Variants in NKAIN3 observed in about 807,000 individuals in gnomAD.
The protein encoded by NKAIN3 is sodium/potassium transporting ATPase interacting 3, also known as sodium/potassium-transporting ATPase subunit beta-1-interacting protein 3.
Under a neutral mutation model 30.2 loss-of-function variants are expected in NKAIN3, and 25 were observed. The observed-to-expected ratio is 0.83, with a 90% CI of 0.60 to 1.16. The LOEUF (loss-of-function observed/expected upper bound fraction) is 1.16, where lower values mean the gene tolerates loss of function less well. Among genes scored for constraint, NKAIN3 ranks in the 50% most tolerant of loss-of-function variants. The pLI is 0.00. For missense variants in NKAIN3, 225 were observed against 254.1 expected (o/e 0.89, Z 0.78); for synonymous variants, 91 against 89.6 (o/e 1.02, Z -0.09).
chr8:62,653,946 TC>T (rs1812696613), intron 3 of NKAIN3, among the ~76,000 whole-genome samples: 1 of 152,146 alleles, frequency 6.6e-6, no homozygotes, highest in Non-Finnish European at 1.5e-5. Flanking sequence ...ATGGTTTTAA[TC>T]CCTCATCTTT....
chr8:62,792,025 A>G (rs1817714789), intron 4 of NKAIN3, among the ~76,000 whole-genome samples: 1 of 152,142 alleles, frequency 6.6e-6, no homozygotes, highest in Non-Finnish European at 1.5e-5. Context: ...AGTTCCAGGT[A>G]TCACTACCTC....
intron 1 of NKAIN3, among the ~76,000 whole-genome samples, chr8:62,476,441 G>GTT (rs757302948): frequency 2.1e-5 from 3 of 145,882 alleles, no homozygotes; most frequent in African/African-American, 5.0e-5. Context: ...ATTTTTTGTA[G>GTT]TTTTTTTTTT....
intron 4 of NKAIN3, among the ~76,000 whole-genome samples, chr8:62,849,549 T>C (rs1177848646): frequency 6.6e-6 from 1 of 151,686 alleles, no homozygotes; most frequent in Non-Finnish European, 1.5e-5. Flanking sequence ...GCTGCACCCA[T>C]TAACTCATCA....
intron 4 of NKAIN3, among the ~76,000 whole-genome samples, chr8:62,791,366 G>A (rs1817696785): frequency 1.3e-5 from 2 of 152,072 alleles, no homozygotes; most frequent in South Asian, 4.1e-4. Flanking sequence ...AACTATGTGG[G>A]TATTTTTGCA....
intron 4 of NKAIN3, among the ~76,000 whole-genome samples, chr8:62,817,042 T>C (rs1245864420): frequency 1.3e-5 from 2 of 152,162 alleles, no homozygotes; most frequent in East Asian, 1.9e-4. Context: ...CTCCAAGCCA[T>C]TCTCCCAGCC....
At chr8:62,312,468 A>ATCTCTTTT (rs1814474293) in intron 1 of NKAIN3, among the ~76,000 whole-genome samples, 2 of 150,486 alleles carry the variant, frequency 1.3e-5, no homozygotes, top group African/African-American at 5.0e-5. Context: ...CTTTGGGAAA[A>ATCTCTTTT]GAGAGACAGG....
chr8:62,250,769 C>G (rs562462155), intron 1 of NKAIN3, among the ~76,000 whole-genome samples: 1 of 152,290 alleles, frequency 6.6e-6, no homozygotes, highest in Admixed American at 6.5e-5. Context: ...CTTCTTTCCA[C>G]TTTCTTAGTT....
chr8:62,743,733 T>C (rs1442367197), intron 3 of NKAIN3, among the ~76,000 whole-genome samples: 2 of 152,138 alleles, frequency 1.3e-5, no homozygotes, highest in African/African-American at 4.8e-5. Context: ...GGTCAACAGA[T>C]GGAGACTATC....
intron 3 of NKAIN3, among the ~76,000 whole-genome samples, chr8:62,645,071 C>T (rs967685754): frequency 6.6e-6 from 1 of 152,086 alleles, no homozygotes; most frequent in Non-Finnish European, 1.5e-5. Flanking sequence ...TAAGTCAAAT[C>T]GCAGTGGTCT....
chr8:62,436,615 C>T (rs1387073264), intron 1 of NKAIN3, among the ~76,000 whole-genome samples: 1 of 152,118 alleles, frequency 6.6e-6, no homozygotes, highest in Non-Finnish European at 1.5e-5. Flanking sequence ...AATATGTAAA[C>T]ACATAGAAAT....
At chr8:62,445,809 C>A (rs1402942557) in intron 1 of NKAIN3, among the ~76,000 whole-genome samples, 1 of 152,124 alleles carries the variant, frequency 6.6e-6, no homozygotes, top group Non-Finnish European at 1.5e-5. Flanking sequence ...ATATTGAAGT[C>A]TGGGGACTGG....
chr8:62,913,918 C>T (rs1457549970), intron 4 of NKAIN3, among the ~76,000 whole-genome samples: 1 of 152,118 alleles, frequency 6.6e-6, no homozygotes, highest in African/African-American at 2.4e-5. Flanking sequence ...GGTCAACCGT[C>T]GTGAAAATCG....
chr8:62,491,629 A>G (rs369845685), intron 1 of NKAIN3, among the ~76,000 whole-genome samples: 7 of 152,222 alleles, frequency 4.6e-5, no homozygotes, highest in East Asian at 3.8e-4. Context: ...AAGCGTTACA[A>G]ATTATGTAAA....
At chr8:62,639,019 C>T (rs907303607) in intron 3 of NKAIN3, among the ~76,000 whole-genome samples, 3 of 152,168 alleles carry the variant, frequency 2.0e-5, no homozygotes, top group African/African-American at 7.2e-5. Context: ...AGTGTACTAT[C>T]TCATCACTCT....
chr8:62,938,431 C>T (rs1822853089), intron 5 of NKAIN3, among the ~76,000 whole-genome samples: 2 of 152,110 alleles, frequency 1.3e-5, no homozygotes, highest in African/African-American at 4.8e-5. Flanking sequence ...ACTGCCAGCA[C>T]AACCAGCATT....
chr8:62,338,717 TG>T (rs1815645274), intron 1 of NKAIN3, among the ~76,000 whole-genome samples: 1 of 151,946 alleles, frequency 6.6e-6, no homozygotes, highest in Non-Finnish European at 1.5e-5. Context: ...CTGAAGAACT[TG>T]GAGTCCAATA....
chr8:62,557,786 C>T (rs779560815), intron 1 of NKAIN3, among the ~76,000 whole-genome samples: 2 of 151,970 alleles, frequency 1.3e-5, no homozygotes, highest in South Asian at 2.1e-4. Flanking sequence ...TGTTTGAGTT[C>T]GTTGTACATT....
At chr8:62,871,247 A>T (rs531439563) in intron 4 of NKAIN3, among the ~76,000 whole-genome samples, 17 of 151,830 alleles carry the variant, frequency 1.1e-4, no homozygotes, top group South Asian at 2.1e-4. Context: ...CTAAAAATAT[A>T]AAAAAATTAG....
intron 1 of NKAIN3, among the ~76,000 whole-genome samples, chr8:62,449,926 T>G (rs565746572): frequency 6.6e-6 from 1 of 152,156 alleles, no homozygotes; most frequent in Non-Finnish European, 1.5e-5. Flanking sequence ...AAGGTAAACA[T>G]GTATGCATAA....
Sources: gnomAD v4.1 joint callset for allele counts (sites outside exome capture counted in the v4.1 genomes callset) on GRCh38, gnomAD v4.1.1 for gene constraint, MANE v1.5 for transcripts, NCBI Gene and HGNC (gene_info 2026-07-23, HGNC 2026-07-21) for gene names.